ALPK3: variants seen among roughly 807,000 people sequenced by gnomAD.
ALPK3 encodes the protein alpha-protein kinase 3.
In ALPK3, 102 loss-of-function variants were observed where a neutral mutation model predicts 140.0. The ratio of observed to expected loss-of-function variants is 0.73; its 90% CI spans 0.62 to 0.86. The LOEUF (loss-of-function observed/expected upper bound fraction) is 0.86, where lower values mean the gene tolerates loss of function less well. Ranked by LOEUF, ALPK3 falls within the 40% of genes least tolerant of loss-of-function variation. The pLI is 0.00. For synonymous variants in ALPK3, 938 were observed against 898.5 expected (o/e 1.04, Z -0.79); for missense variants, 2,254 against 2,208.2 (o/e 1.02, Z -0.42).
At chr15:84,862,579 C>A in intron 9 of ALPK3, 56 bp from the exon 10 acceptor site, 1 of 1,540,634 alleles carries the variant, frequency 6.5e-7, no homozygotes, top group South Asian at 1.3e-5. Context: ...CCTGTGAGCC[C>A]CACATTGGTG....
At chr15:84,830,289 T>C (rs563151776) in intron 3 of ALPK3, among the ~76,000 whole-genome samples, 1 of 152,360 alleles carries the variant, frequency 6.6e-6, no homozygotes, top group Non-Finnish European at 1.5e-5. Context: ...TAGGGCCTGA[T>C]ACACAGCTGT....
Position 84,859,871 on chromosome 15 carries a change from C to G in ALPK3, c.4061C>G (p.Ser1354Trp). 1.2e-6 allele frequency: 2 copies of G among 1,614,088 alleles called. No homozygotes were observed. The highest frequency in any genetic ancestry group is 1.7e-6 in the Non-Finnish European group (2 of 1,180,034). ...TGCACCATCCACAATGAGCACGGCTCGGCCTCCACCGACTTCTGCCTCAGC... is the reference window on the plus strand; with the variant it reads ...TGCACCATCCACAATGAGCACGGCTGGGCCTCCACCGACTTCTGCCTCAGC... ...YRCTIHNEHG[S>W]ASTDFCLSPE... is the part of the protein sequence containing the mutation. Residue 1354 changes from serine to tryptophan, a missense_variant, in exon 8 of 14, where the codon TCG becomes TGG. Transcript: ENST00000258888.
Position 84,840,022 on chromosome 15 carries a change from C to A in ALPK3, c.743C>A (p.Ala248Glu), listed in dbSNP as rs1383165450. 6.2e-7 allele frequency: 1 copy of A among 1,613,684 alleles called. No homozygotes were observed. The highest frequency in any genetic ancestry group is 1.7e-5 in the Admixed American group (1 of 59,932). Residue 248 changes from alanine to glutamate, a missense_variant, in exon 5 of 14, where the codon GCG becomes GAG. Around this residue, in one of 3 missense-constraint regions of ALPK3, gnomAD observed 2,088 missense variants for 2,022.9 expected, o/e 1.03. Transcript: ENST00000258888. ...AGGGAGCCTGAGGGTGGGACCCTGG[C>A]GGCTTGGCAGGAGGGAGAGACTGAG... ...PTREPEGGTL[A>E]AWQEGETETA...
Position 84,862,841 on chromosome 15 carries a change from G to A in ALPK3, c.4336G>A (p.Val1446Met). Residue 1446 changes from valine (V) to methionine (M), a missense_variant, in exon 10 of 14, where the codon GTG becomes ATG. Val to Met is a conservative substitution (Grantham distance 21). Coordinates refer to ENST00000258888, the MANE Select transcript of ALPK3 (RefSeq NM_020778.5). ...GTCGGGCCGCACGTGCATCATCAAG[G>A]TGTCCAGCCTGCTTGTGTTTGGGCC... ...FESGRTCIIK[V>M]SSLLVFGPSS... 1 of 1,614,140 alleles carries A rather than the reference G, an allele frequency of 6.2e-7. No individual in the cohort carries two copies. Among genetic ancestry groups the A allele is most frequent in the Non-Finnish European group, 8.5e-7 (1 of 1,180,026 alleles).
intron 1 of ALPK3, among the ~76,000 whole-genome samples, chr15:84,820,025 T>G (rs891696929): frequency 6.6e-6 from 1 of 152,174 alleles, no homozygotes; most frequent in Non-Finnish European, 1.5e-5. Context: ...CCCACCAAAC[T>G]GTAGGCCCAG....
Position 84,840,942 on chromosome 15 carries a change from G to C in ALPK3, c.1653+10G>C. On this transcript the variant is annotated intron_variant, in intron 5 of 13. Coordinates refer to ENST00000258888, the MANE Select transcript of ALPK3 (RefSeq NM_020778.5). ...CAGGACTCCAGGAGAGGTAAGTGTGGGTGTTGGGTGCCTGGAGGCCGCTCT... is the reference window on the plus strand; with the variant it reads ...CAGGACTCCAGGAGAGGTAAGTGTGCGTGTTGGGTGCCTGGAGGCCGCTCT... 1 of 1,547,946 alleles carries C rather than the reference G, an allele frequency of 6.5e-7. No individual in the cohort carries two copies. The highest frequency in any genetic ancestry group is 8.7e-7 in the Non-Finnish European group (1 of 1,149,150).
intron 5 of ALPK3, among the ~76,000 whole-genome samples, chr15:84,854,023 GA>G: frequency 6.6e-6 from 1 of 151,948 alleles, no homozygotes; most frequent in African/African-American, 2.4e-5. Context: ...TTTAAAATTT[GA>G]AAAACAGAAA....
At chr15:84,847,077 T>C (rs1445313485) in intron 5 of ALPK3, among the ~76,000 whole-genome samples, 2 of 152,090 alleles carry the variant, frequency 1.3e-5, no homozygotes, top group African/African-American at 4.8e-5. Flanking sequence ...GACTTACTGG[T>C]TGAGCCCAAC....
In ALPK3 at chr15:84,869,792, C is replaced by T. The variant is rs1432767256; in HGVS notation, c.*1336C>T. On this transcript the variant is annotated 3_prime_UTR_variant, in exon 14 of 14. Transcript: ENST00000258888. Reference sequence around the variant, plus strand: ...GGTTGGAGGTCTGTGGAGTCAAGGTCCCCCTCTCCCAGGCAGGCTCTCTGA... The same window carrying T: ...GGTTGGAGGTCTGTGGAGTCAAGGTTCCCCTCTCCCAGGCAGGCTCTCTGA... The T allele has an allele frequency of 6.5e-6, 1 of 152,706 alleles. No homozygotes were observed. The highest frequency in any genetic ancestry group is 1.5e-5 in the Non-Finnish European group (1 of 68,112). 9.5% of individuals were successfully genotyped at this position (152,706 alleles called of 1,614,324 possible).
rs73437966 is a variant in ALPK3, at chr15:84,864,688, G to A, written c.4723+23G>A. On this transcript the variant is annotated intron_variant, in intron 12 of 13. Coordinates refer to ENST00000258888, the MANE Select transcript of ALPK3 (RefSeq NM_020778.5). ...CAGGTACGAGGGTGTGAGGGTGCAC[G>A]GGTACGCATGTGCATGGATGTGAAA... The A allele has an allele frequency of 2.1e-3, 3,397 of 1,605,608 alleles. 59 individuals carry two copies. In the African/African-American group the frequency reaches 0.038, roughly 18 times the overall value.
chr15:84,870,691 G>A lies in ALPK3; in HGVS notation c.*2235G>A, dbSNP rs1964059882. On this transcript the variant is annotated 3_prime_UTR_variant, in exon 14 of 14. Coordinates refer to ENST00000258888, the MANE Select transcript of ALPK3 (RefSeq NM_020778.5). ...CAACACCAACTTGCCATTGGTTCTAGTGGGTCCCCTTCCACTCAAGATTCA... is the reference window on the plus strand; with the variant it reads ...CAACACCAACTTGCCATTGGTTCTAATGGGTCCCCTTCCACTCAAGATTCA... The A allele has an allele frequency of 6.6e-6, 1 of 152,218 alleles. No homozygotes were observed. The highest frequency in any genetic ancestry group is 2.4e-5 in the African/African-American group (1 of 41,456). The allele number at this position is 152,218 out of a possible 1,614,324, so 9.4% of individuals were successfully genotyped here. A position where few individuals can be genotyped will look rare whatever the true frequency, so the allele number is the denominator to read the frequency against.
chr15:84,850,907 CA>C lies in ALPK3; in HGVS notation c.1654-5484del, dbSNP rs1286656942. On this transcript the variant is annotated intron_variant, in intron 5 of 13. Transcript: ENST00000258888. ...ACACACACACACACACACACACACACACACACACCCTCTGTCATAATGTTTA... is the reference window on the plus strand; with the variant it reads ...ACACACACACACACACACACACACACCACACACCCTCTGTCATAATGTTTA... Among the ~76,000 whole-genome samples the C allele has an allele frequency of 3.0e-3, 454 of 152,068 alleles. 1 individual carries two copies. The highest frequency in any genetic ancestry group is 0.01 in the African/African-American group (424 of 41,466).
Position 84,840,587 on chromosome 15 carries a change from C to T in ALPK3, c.1308C>T (p.Thr436=). 1.3e-6 allele frequency: 2 copies of T among 1,570,562 alleles called. No homozygotes were observed. The highest frequency in any genetic ancestry group is 1.4e-5 in the African/African-American group (1 of 73,498). The change falls in exon 5 of 14, where the codon ACC becomes ACT. Residue 436 remains threonine, a synonymous_variant. Transcript: ENST00000258888. ...CTCTTGGGGAAGAGGGACCCCAGAC[C>T]CTGAGTGTCCGGGCGCCTGGGGAGA... ...VRPLGEEGPQ[T]LSVRAPGESP...
intron 9 of ALPK3, among the ~76,000 whole-genome samples, 175 bp downstream of exon 9, chr15:84,860,247 G>A (rs1963927854): frequency 6.6e-6 from 1 of 152,110 alleles, no homozygotes; most frequent in Admixed American, 6.5e-5. Flanking sequence ...AAGATTATGG[G>A]GGAAGAAGTG....
intron 5 of ALPK3, among the ~76,000 whole-genome samples, chr15:84,841,835 T>A (rs306201): frequency 0.86 from 130,987 of 152,124 alleles, 56,732 homozygotes; most frequent in African/African-American, 0.96. Context: ...TATTTCACAG[T>A]GGTTTTGGGA....
At chr15:84,823,612 G>A (rs910849990) in intron 2 of ALPK3, among the ~76,000 whole-genome samples, 8 of 152,094 alleles carry the variant, frequency 5.3e-5, no homozygotes, top group African/African-American at 1.7e-4. Context: ...TATGGGCAGG[G>A]GTCTCTGAGA....
At chr15:84,863,451 T>C (rs1016437600) in intron 10 of ALPK3, 101 bp from the exon 11 acceptor site, 2 of 1,010,526 alleles carry the variant, frequency 2.0e-6, no homozygotes, top group African/African-American at 3.2e-5. Context: ...AATCCTCCTC[T>C]CAGTCCCCTA....
At chr15:84,850,023 A>G (rs1963784305) in intron 5 of ALPK3, among the ~76,000 whole-genome samples, 1 of 151,606 alleles carries the variant, frequency 6.6e-6, no homozygotes, top group South Asian at 2.1e-4. Context: ...AGAAGACACA[A>G]AATACAAGTA....
rs1048409746 is a variant in ALPK3 at position 84,827,751 on chromosome 15, T to C, written c.304+146T>C. 1.1e-5 allele frequency: 13 copies of C among 1,229,724 alleles called. No individual in the cohort carries two copies. The Admixed American group carries it at 2.2e-4, about 21-fold the overall frequency. 76.2% of individuals were successfully genotyped at this position (1,229,724 alleles called of 1,614,324 possible). A position where few individuals can be genotyped will look rare whatever the true frequency, so the allele number is the denominator to read the frequency against. Reference sequence around the variant, plus strand: ...TTTACTTTCTGAGCTTTCTCTCTAGTTTAACATCCCTGTGTGGGCTGGTGC... The same window carrying C: ...TTTACTTTCTGAGCTTTCTCTCTAGCTTAACATCCCTGTGTGGGCTGGTGC... On this transcript the variant is annotated intron_variant, in intron 3 of 13. Coordinates refer to ENST00000258888, the MANE Select transcript of ALPK3 (RefSeq NM_020778.5).
Sources: gnomAD v4.1 joint callset for allele counts (sites outside exome capture counted in the v4.1 genomes callset) on GRCh38, gnomAD v4.1.1 for gene constraint, gnomAD v4.1.1 regional missense constraint, MANE v1.5 for transcripts, NCBI Gene and HGNC (gene_info 2026-07-23, HGNC 2026-07-21) for gene names.